ATL1: variants seen among roughly 807,000 people sequenced by gnomAD.
ATL1 encodes atlastin GTPase 1.
A neutral mutation model predicts 75.5 loss-of-function variants in ATL1; 31 were observed. The ratio of observed to expected loss-of-function variants is 0.41; its 90% CI spans 0.31 to 0.55. The LOEUF (loss-of-function observed/expected upper bound fraction) is 0.55, where lower values mean the gene tolerates loss of function less well. Among genes scored for constraint, ATL1 ranks in the 20% least tolerant of loss-of-function variants. The probability of loss-of-function intolerance (pLI) is 0.27; values close to 1 mark genes in which losing one functional copy is unlikely to be tolerated. For synonymous variants in ATL1, 226 were observed against 233.3 expected (o/e 0.97, Z 0.28); for missense variants, 405 against 662.6 (o/e 0.61, Z 4.27).
At chr14:50,598,178 G>C (rs1483238383) in intron 6 of ATL1, among the ~76,000 whole-genome samples, 2 of 152,030 alleles carry the variant, frequency 1.3e-5, no homozygotes, top group Non-Finnish European at 1.5e-5. Flanking sequence ...ATAAACCAAA[G>C]AGATATAATA....
In ATL1 at chr14:50,587,979, T is replaced by C. The variant is rs771689808; in HGVS notation, c.183T>C (p.Ala61=). 2 of 1,614,192 alleles carry C rather than the reference T, an allele frequency of 1.2e-6. No homozygotes were observed. Among genetic ancestry groups the C allele is most frequent in the Admixed American group, 3.3e-5 (2 of 60,024 alleles). The change falls in exon 2 of 14, where the codon GCT becomes GCC. Residue 61 remains alanine, a synonymous_variant. Transcript: ENST00000358385. ...TAAATCGGATCCTTCTCTCGGAGGC[T>C]GTCAGAGACAAGGAGGTTGTTGCTG... ...TALNRILLSE[A]VRDKEVVAVS...
intron 3 of ATL1, 33 bp from the exon 4 acceptor site, chr14:50,591,502 A>C (rs773772176): frequency 7.0e-7 from 1 of 1,437,260 alleles, no homozygotes; most frequent in Non-Finnish European, 9.8e-7. Flanking sequence ...GATGTTCTAT[A>C]AAATATCAAT....
At chr14:50,587,688 C>A in intron 1 of ATL1, 143 bp from the exon 2 acceptor site, 1 of 1,139,164 alleles carries the variant, frequency 8.8e-7, no homozygotes, top group Non-Finnish European at 1.3e-6. Flanking sequence ...GGATTACAGG[C>A]ATGAGCCACT....
At chr14:50,577,129 C>T (rs930739002) in intron 1 of ATL1, among the ~76,000 whole-genome samples, 1 of 152,142 alleles carries the variant, frequency 6.6e-6, no homozygotes, top group Admixed American at 6.5e-5. Flanking sequence ...GTGGCGCAAT[C>T]TCAGCTCTCT....
intron 11 of ATL1, among the ~76,000 whole-genome samples, chr14:50,625,390 G>A (rs2039508110): frequency 6.6e-6 from 1 of 152,220 alleles, no homozygotes; most frequent in Non-Finnish European, 1.5e-5. Context: ...GCTACAGCAA[G>A]TTATCCAGAA....
chr14:50,570,297 C>T (rs1482493928), intron 1 of ATL1, among the ~76,000 whole-genome samples: 1 of 152,064 alleles, frequency 6.6e-6, no homozygotes, highest in Non-Finnish European at 1.5e-5. Context: ...TTCAAGTTTG[C>T]TGATTTTTTT....
intron 6 of ATL1, among the ~76,000 whole-genome samples, chr14:50,612,565 TAGTC>T (rs2039376076): frequency 6.6e-6 from 1 of 152,192 alleles, no homozygotes; most frequent in Non-Finnish European, 1.5e-5. Flanking sequence ...ATCTTCCTTT[TAGTC>T]AGTTAATTTC....
At chr14:50,565,484 C>CAA (rs56404646) in intron 1 of ATL1, among the ~76,000 whole-genome samples, 122,717 of 145,118 alleles carry the variant, frequency 0.85, 52,889 homozygotes, top group Non-Finnish European at 0.93. Context: ...GACTTCATCT[C>CAA]AAAAAAAAAA....
At chr14:50,557,309 A>G (rs1289156776), upstream of ATL1, among the ~76,000 whole-genome samples, 1 of 152,166 alleles carries the variant, frequency 6.6e-6, no homozygotes, top group Non-Finnish European at 1.5e-5. Flanking sequence ...CCATTCTTCC[A>G]TTATTTCTAC....
chr14:50,534,333 A>G (rs2038464971), intron 1 of ATL1, among the ~76,000 whole-genome samples: 1 of 152,216 alleles, frequency 6.6e-6, no homozygotes, highest in Admixed American at 6.5e-5. Flanking sequence ...AAATCGGCCA[A>G]CCAGAGGATT....
chr14:50,592,318 A>G (rs1359671340), intron 4 of ATL1, among the ~76,000 whole-genome samples: 2 of 152,178 alleles, frequency 1.3e-5, no homozygotes, highest in Non-Finnish European at 2.9e-5. Context: ...GTGGCCAAGG[A>G]ACAGGGCAGA....
exon 1 of ATL1, chr14:50,533,122 AC>A (rs1158688147): frequency 6.6e-6 from 1 of 152,384 alleles, no homozygotes; most frequent in East Asian, 1.9e-4. Flanking sequence ...CCTGCCTTCT[AC>A]TTAGTTCTTC....
chr14:50,556,287 C>T (rs2038764637), upstream of ATL1, among the ~76,000 whole-genome samples: 1 of 152,124 alleles, frequency 6.6e-6, no homozygotes, highest in East Asian at 1.9e-4. Context: ...TGAAGTGCAG[C>T]GGCCTGAATC....
At chr14:50,626,760 G>A (rs939254750) in intron 11 of ATL1, among the ~76,000 whole-genome samples, 1 of 152,092 alleles carries the variant, frequency 6.6e-6, no homozygotes, top group Non-Finnish European at 1.5e-5. Flanking sequence ...AGGAACATTC[G>A]AATTATTCTC....
chr14:50,623,759 T>G (rs1249435600), intron 11 of ATL1, among the ~76,000 whole-genome samples: 1 of 152,164 alleles, frequency 6.6e-6, no homozygotes, highest in African/African-American at 2.4e-5. Flanking sequence ...TTGAAAATGT[T>G]ATGAAATTAG....
At chr14:50,545,836 A>C (rs1252061735) in intron 1 of ATL1, among the ~76,000 whole-genome samples, 2 of 152,246 alleles carry the variant, frequency 1.3e-5, no homozygotes, top group African/African-American at 4.8e-5. Context: ...CCAGCTGGTT[A>C]CATATTATGA....
intron 1 of ATL1, among the ~76,000 whole-genome samples, chr14:50,564,161 A>G (rs1483114944): frequency 6.6e-6 from 1 of 152,238 alleles, no homozygotes. Context: ...ACAGATAAGT[A>G]TCAGAAACAG....
chr14:50,539,089 A>G (rs1198221844), intron 1 of ATL1, among the ~76,000 whole-genome samples: 2 of 152,250 alleles, frequency 1.3e-5, no homozygotes, highest in East Asian at 3.9e-4. Flanking sequence ...CTCAGAAAAG[A>G]GACTCTCAAA....
intron 1 of ATL1, among the ~76,000 whole-genome samples, chr14:50,565,146 C>T (rs182774525): frequency 3.6e-4 from 54 of 151,916 alleles, no homozygotes; most frequent in African/African-American, 1.1e-3. Flanking sequence ...AAAAATTAGC[C>T]GGGTGTGGTG....
Sources: allele counts gnomAD v4.1 joint callset (sites outside exome capture counted in the v4.1 genomes callset), GRCh38; gene constraint gnomAD v4.1.1; transcripts MANE v1.5; gene names NCBI Gene and HGNC (gene_info 2026-07-23, HGNC 2026-07-21).